SORCS2: variants seen among roughly 807,000 people sequenced by gnomAD.
SORCS2 encodes the protein VPS10 domain-containing receptor SorCS2.
A neutral mutation model predicts 141.6 loss-of-function variants in SORCS2; 100 were observed. The observed-to-expected ratio is 0.71, with a 90% confidence interval of 0.60 to 0.83. SORCS2 has a LOEUF of 0.83. Among genes scored for constraint, SORCS2 ranks in the 40% least tolerant of loss-of-function variants. The pLI, the probability that SORCS2 is intolerant of heterozygous loss-of-function variation, is 0.00. For missense variants in SORCS2, 1,646 were observed against 1,560.2 expected (o/e 1.05, Z -0.93); for synonymous variants, 789 against 676.9 (o/e 1.17, Z -2.57).
intron 2 of SORCS2, among the ~76,000 whole-genome samples, chr4:7,443,798 G>A (rs563783037): frequency 1.3e-5 from 2 of 152,240 alleles, no homozygotes; most frequent in African/African-American, 4.8e-5. Context: ...CATGTGGCCT[G>A]GCCTCCTCGT....
At position 7,713,451 on chromosome 4, in the gene SORCS2, G is replaced by A. The variant is rs78088435; in HGVS notation, c.1989+598G>A. 7.8e-3 allele frequency among the ~76,000 whole-genome samples: 1,191 copies of A among 152,212 alleles called. 41 individuals are homozygous for A. In the East Asian group the frequency reaches 0.11, roughly 13 times the overall value. The stretch of plus-strand genomic sequence containing the variant: ...ATGATTTAATGGTACTTGTTAAAGC[G>A]CGGGGTGGAAGACTTTACTCAAGAC... On this transcript the variant is annotated intron_variant, in intron 15 of 26. Coordinates refer to ENST00000507866, the MANE Select transcript of SORCS2 (RefSeq NM_020777.3).
chr4:7,634,907 C>T (rs1009423475), intron 3 of SORCS2, among the ~76,000 whole-genome samples: 1 of 152,224 alleles, frequency 6.6e-6, no homozygotes, highest in African/African-American at 2.4e-5. Context: ...CAGACAGACC[C>T]ACGTTGAGAG....
intron 1 of SORCS2, among the ~76,000 whole-genome samples, chr4:7,281,230 C>T (rs74448422): frequency 0.011 from 1,657 of 151,944 alleles, 19 homozygotes; most frequent in Non-Finnish European, 0.017. Flanking sequence ...TTGCCACAGC[C>T]GTGTTCTTGA....
chr4:7,414,333 C>G (rs1283884777), intron 2 of SORCS2, among the ~76,000 whole-genome samples: 1 of 152,000 alleles, frequency 6.6e-6, no homozygotes, highest in East Asian at 1.9e-4. Flanking sequence ...ATAGGTTCCC[C>G]TAGGAGGGAC....
At chr4:7,636,395 GAATT>G (rs1206059046) in intron 3 of SORCS2, among the ~76,000 whole-genome samples, 4 of 152,244 alleles carry the variant, frequency 2.6e-5, no homozygotes, top group African/African-American at 4.8e-5. Flanking sequence ...GTGAATGAAT[GAATT>G]AATGAAGGAA....
intron 2 of SORCS2, among the ~76,000 whole-genome samples, chr4:7,508,762 G>A (rs1191614245): frequency 1.3e-5 from 2 of 152,172 alleles, no homozygotes; most frequent in East Asian, 1.9e-4. Flanking sequence ...TTTAAAAATG[G>A]CTGTAGCACG....
chr4:7,192,554 C>G lies in SORCS2; in HGVS notation c.-93C>G. Reference sequence around the variant, plus strand: ...TCGCCGGCTCCTTTCTCTGCGCTCTCGCTCGCGCTCCCCAGCGCCCTCCTG... The same window carrying G: ...TCGCCGGCTCCTTTCTCTGCGCTCTGGCTCGCGCTCCCCAGCGCCCTCCTG... On this transcript the variant is annotated 5_prime_UTR_variant, in exon 1 of 27. Transcript: ENST00000507866. This position sits in a 1 kb window ranked among gnomAD's most constrained non-coding sequence, Gnocchi z 4.0. The G allele has an allele frequency of 1.0e-6, 1 of 969,038 alleles. No individual in the cohort carries two copies. The highest frequency in any genetic ancestry group is 1.2e-6 in the Non-Finnish European group (1 of 815,524). The allele number at this position is 969,038 out of a possible 1,614,324, so 60.0% of individuals were successfully genotyped here. A position where few individuals can be genotyped will look rare whatever the true frequency, so the allele number is the denominator to read the frequency against.
chr4:7,342,808 A>C (rs565491500), intron 1 of SORCS2, among the ~76,000 whole-genome samples: 11 of 152,182 alleles, frequency 7.2e-5, no homozygotes, highest in Non-Finnish European at 1.6e-4. Flanking sequence ...ACGGTTGTTA[A>C]CCCGCAGAGC....
At chr4:7,590,285 G>T (rs1343964555) in intron 3 of SORCS2, among the ~76,000 whole-genome samples, 7 of 152,228 alleles carry the variant, frequency 4.6e-5, no homozygotes, top group African/African-American at 1.7e-4. Flanking sequence ...CCTCTGGAAA[G>T]GGTTCAGGGT....
chr4:7,334,876 TG>T (rs1214099477), intron 1 of SORCS2, among the ~76,000 whole-genome samples: 1 of 152,006 alleles, frequency 6.6e-6, no homozygotes, highest in African/African-American at 2.4e-5. Flanking sequence ...TGGGAGTTCT[TG>T]GTGAGAACAG....
intron 1 of SORCS2, among the ~76,000 whole-genome samples, chr4:7,281,208 A>G (rs971264786): frequency 3.3e-5 from 5 of 152,002 alleles, no homozygotes; most frequent in Non-Finnish European, 5.9e-5. Context: ...GAAGCAGAGC[A>G]TGGGGTCACT....
At chr4:7,403,903 C>CG (rs1340758342) in intron 2 of SORCS2, among the ~76,000 whole-genome samples, 1 of 143,326 alleles carries the variant, frequency 7.0e-6, no homozygotes, top group Non-Finnish European at 1.5e-5. Flanking sequence ...TCCACCCCCC[C>CG]GTACCCCATC....
At chr4:7,581,991 C>T (rs1005863264) in intron 3 of SORCS2, among the ~76,000 whole-genome samples, 1 of 152,082 alleles carries the variant, frequency 6.6e-6, no homozygotes, top group African/African-American at 2.4e-5. Context: ...TAAGTATCTA[C>T]CCACATTATC....
intron 2 of SORCS2, among the ~76,000 whole-genome samples, chr4:7,446,702 G>A (rs140705150): frequency 5.3e-5 from 8 of 152,284 alleles, no homozygotes; most frequent in Admixed American, 1.3e-4. Context: ...CCTGTTCCTG[G>A]CATACAAGGG....
intron 2 of SORCS2, among the ~76,000 whole-genome samples, chr4:7,492,676 C>T (rs79337265): frequency 0.014 from 2,128 of 152,316 alleles, 28 homozygotes; most frequent in Non-Finnish European, 0.022. Flanking sequence ...TGAGTCCTTC[C>T]CCAGCCCCTT....
At chr4:7,258,326 G>A (rs1714056061) in intron 1 of SORCS2, among the ~76,000 whole-genome samples, 1 of 152,140 alleles carries the variant, frequency 6.6e-6, no homozygotes. Flanking sequence ...AGGCCCCGGT[G>A]TGTGATGTTC....
At chr4:7,261,056 T>C (rs138366736) in intron 1 of SORCS2, among the ~76,000 whole-genome samples, 6 of 152,318 alleles carry the variant, frequency 3.9e-5, no homozygotes, top group African/African-American at 9.6e-5. Flanking sequence ...TCTCAGAGAA[T>C]TGAAGTTCTA....
At chr4:7,726,200 G>T (rs1727209408) in intron 20 of SORCS2, among the ~76,000 whole-genome samples, 1 of 152,240 alleles carries the variant, frequency 6.6e-6, no homozygotes, top group South Asian at 2.1e-4. Flanking sequence ...CATGTGTGGA[G>T]ATGGGAGATC....
chr4:7,490,521 G>T lies in SORCS2; in HGVS notation c.549-41009G>T, dbSNP rs976945530. On this transcript the variant is annotated intron_variant, in intron 2 of 26. Coordinates refer to ENST00000507866, the MANE Select transcript of SORCS2 (RefSeq NM_020777.3). ...ACCCCAGAATTGCCACTGCCAGGGA[G>T]GTGGGGCTGCCTTGGAGCTTAGAGA... Among the ~76,000 whole-genome samples the T allele has an allele frequency of 4.7e-5, 5 of 106,578 alleles. No individual in the cohort carries two copies. In the East Asian group the frequency reaches 6.5e-4, roughly 14 times the overall value. 69.9% of individuals were successfully genotyped at this position (106,578 alleles called of 152,430 possible). A position where few individuals can be genotyped will look rare whatever the true frequency, so the allele number is the denominator to read the frequency against.
Sources: gnomAD v4.1 joint callset for allele counts (sites outside exome capture counted in the v4.1 genomes callset) on GRCh38, gnomAD v4.1.1 for gene constraint, Gnocchi (gnomAD v3.1) non-coding constraint, MANE v1.5 for transcripts, NCBI Gene and HGNC (gene_info 2026-07-23, HGNC 2026-07-21) for gene names.